Variants in C3orf22 observed in about 807,000 individuals in gnomAD.
C3orf22 encodes the protein chromosome 3 open reading frame 22.
Under a neutral mutation model 10.8 loss-of-function variants are expected in C3orf22, and 7 were observed. That is an observed-to-expected ratio of 0.65 (90% confidence interval 0.37 to 1.22). The LOEUF (loss-of-function observed/expected upper bound fraction) is 1.22. Ranked by LOEUF, C3orf22 falls within the 50% of genes most tolerant of loss-of-function variation. The pLI, the probability that C3orf22 is intolerant of heterozygous loss-of-function variation, is 0.02. For synonymous variants in C3orf22, 79 were observed against 78.9 expected, an observed-to-expected ratio of 1.00 and a Z score of 0.00; for missense variants, 173 against 177.0, an observed-to-expected ratio of 0.98 and a Z score of 0.13.
At chr3:126,532,562 A>G (rs185399357) in intron 4 of C3orf22, among the ~76,000 whole-genome samples, 166 of 152,334 alleles carry the variant, frequency 1.1e-3, no homozygotes, top group Non-Finnish European at 2.1e-3. Context: ...CTCCCTCATC[A>G]ATAATCAACT....
intron 4 of C3orf22, chr3:126,542,451 C>G: frequency 6.4e-7 from 1 of 1,567,654 alleles, no homozygotes; most frequent in South Asian, 1.2e-5. Context: ...GCCGCCGCCT[C>G]CCGCGACCTG....
intron 4 of C3orf22, among the ~76,000 whole-genome samples, chr3:126,539,197 G>C (rs1436967006): frequency 6.6e-5 from 10 of 152,172 alleles, no homozygotes; most frequent in Non-Finnish European, 1.5e-5. Context: ...CACCTGGGAT[G>C]ACTGCGAAGC....
chr3:126,552,797 G>A (rs1470146767), intron 2 of C3orf22, among the ~76,000 whole-genome samples: 2 of 152,238 alleles, frequency 1.3e-5, no homozygotes, highest in African/African-American at 4.8e-5. Context: ...TGTCCTGCGG[G>A]TGGGAGGCCA....
downstream of C3orf22, among the ~76,000 whole-genome samples, chr3:126,547,825 A>T (rs1465477215): frequency 6.6e-6 from 1 of 152,216 alleles, no homozygotes; most frequent in Admixed American, 6.5e-5. Context: ...GAATGCCTAG[A>T]GCAGCAGCAC....
exon 5 of C3orf22, chr3:126,529,199 T>G (rs914663376): frequency 1.3e-6 from 1 of 758,698 alleles, no homozygotes. Context: ...GTGCTTCTGC[T>G]GTAGGTTTCT....
rs1491262922 is a variant in C3orf22, at chr3:126,536,894, CAA to C, written c.287-7524_287-7523del. Among the ~76,000 whole-genome samples, 164 of 112,420 alleles carry C rather than the reference CAA, an allele frequency of 1.5e-3. No individual in the cohort carries two copies. The South Asian group carries it at 0.015, about 10-fold the overall frequency. The allele number at this position is 112,420 out of a possible 152,430, so 73.8% of individuals were successfully genotyped here. On this transcript the variant is annotated intron_variant and NMD_transcript_variant, in intron 4 of 5. Transcript: ENST00000505070. The stretch of plus-strand genomic sequence containing the variant: ...TCTCTCTCTTTCTCACACACACACA[CAA>C]ACACACACACACACACACACACACA...
intron 4 of C3orf22, among the ~76,000 whole-genome samples, chr3:126,539,688 CCA>C (rs1341721743): frequency 2.0e-4 from 26 of 130,932 alleles, no homozygotes; most frequent in African/African-American, 6.4e-4. Context: ...ACCACAGACA[CCA>C]CACACACACC....
At chr3:126,542,121 G>A (rs2107574082) in intron 4 of C3orf22, 1 of 1,573,306 alleles carries the variant, frequency 6.4e-7, no homozygotes, top group African/African-American at 1.4e-5. Flanking sequence ...AAGCTCGCGC[G>A]CCCCTACAGC....
At chr3:126,535,773 G>A (rs760167342) in intron 4 of C3orf22, among the ~76,000 whole-genome samples, 51 of 152,384 alleles carry the variant, frequency 3.3e-4, no homozygotes, top group Middle Eastern at 3.4e-3. Context: ...ATCCACAGTG[G>A]GTCACCCAGC....
rs373190783 is a variant in C3orf22, at chr3:126,549,896, G to A, written c.398C>T (p.Ala133Val). Residue 133 changes from alanine to valine, a missense_variant, in exon 4 of 4, where the codon GCG becomes GTG. Physicochemically the swap from Ala to Val is moderately conservative, Grantham distance 64 (BLOSUM62 0). Transcript: ENST00000318225. ...TEAACPQTSKAAGLSRGLS is the reference protein window; with the variant it reads ...TEAACPQTSKVAGLSRGLS The stretch of plus-strand genomic sequence containing the variant: ...GGAGAGGCCCCTGGACAGCCCTGCC[G>A]CCTTGCTGGTCTGGGGGCAGGCAGC... 30 of 1,613,744 alleles carry A rather than the reference G, an allele frequency of 1.9e-5. No homozygotes were observed. Among genetic ancestry groups the A allele is most frequent in the South Asian group, 4.4e-5 (4 of 91,052 alleles).
chr3:126,537,061 G>A (rs1483303358), intron 4 of C3orf22, among the ~76,000 whole-genome samples: 2 of 152,184 alleles, frequency 1.3e-5, no homozygotes, highest in African/African-American at 4.8e-5. Flanking sequence ...TCCAGCAGGG[G>A]AAGATGTCAT....
chr3:126,557,151 C>T (rs974715679), intron 1 of C3orf22, among the ~76,000 whole-genome samples: 4 of 152,118 alleles, frequency 2.6e-5, no homozygotes, highest in Non-Finnish European at 5.9e-5. Flanking sequence ...CAGACCTGAC[C>T]TCATACACAC....
chr3:126,550,143 C>G, intron 3 of C3orf22, 65 bp from the exon 4 acceptor site: 1 of 1,577,152 alleles, frequency 6.3e-7, no homozygotes, highest in Non-Finnish European at 8.6e-7. Context: ...CCATTGCAGC[C>G]CAGAGAAGTC....
At chr3:126,543,458 GGAGT>G (rs1361946627) in intron 4 of C3orf22, among the ~76,000 whole-genome samples, 9 of 152,152 alleles carry the variant, frequency 5.9e-5, no homozygotes, top group African/African-American at 2.2e-4. Flanking sequence ...GGTGCATATA[GGAGT>G]GAGGGGCTAC....
At chr3:126,541,889 C>CCCAA in intron 4 of C3orf22, 1 of 1,600,280 alleles carries the variant, frequency 6.2e-7, no homozygotes, top group Admixed American at 1.7e-5. Context: ...CTGCTACGTG[C>CCCAA]CCAAGGTGGC....
chr3:126,542,367 A>T, intron 4 of C3orf22: 1 of 1,561,432 alleles, frequency 6.4e-7, no homozygotes. Flanking sequence ...ACGCTGGCGG[A>T]GGACGCGGCC....
rs763186865 is a variant in C3orf22, at chr3:126,542,004, C to T, written c.286+7533G>A. 14 of 1,561,554 alleles carry T rather than the reference C, an allele frequency of 9.0e-6. No homozygotes were observed. The highest frequency in any genetic ancestry group is 1.1e-5 in the Non-Finnish European group (13 of 1,158,478). ...GCGCACGCGCCTGGCCGCCTGCCCT[C>T]ACTGGCCGACTTCAGCCCCGCCGAG... On this transcript the variant is annotated intron_variant and NMD_transcript_variant, in intron 4 of 5. Coordinates refer to the C3orf22 transcript ENST00000505070.
chr3:126,537,434 C>T (rs1346752485), intron 4 of C3orf22, among the ~76,000 whole-genome samples: 1 of 152,218 alleles, frequency 6.6e-6, no homozygotes, highest in African/African-American at 2.4e-5. Flanking sequence ...CTTGGGGTAT[C>T]CCTACTGCTG....
intron 3 of C3orf22, among the ~76,000 whole-genome samples, chr3:126,550,918 T>C (rs571454929): frequency 1.3e-5 from 2 of 152,324 alleles, no homozygotes; most frequent in Non-Finnish European, 2.9e-5. Context: ...CAGTCCATTT[T>C]GCATGGGTAG....
Sources: allele counts gnomAD v4.1 joint callset (sites outside exome capture counted in the v4.1 genomes callset), GRCh38; gene constraint gnomAD v4.1.1; transcripts MANE v1.5; gene names NCBI Gene and HGNC (gene_info 2026-07-23, HGNC 2026-07-21).